SEC14L1: variants seen among roughly 807,000 people sequenced by gnomAD.
SEC14L1 encodes the protein SEC14-like protein 1.
A neutral mutation model predicts 85.3 loss-of-function variants in SEC14L1; 48 were observed. That is an observed-to-expected ratio of 0.56 (90% CI 0.45 to 0.72). SEC14L1 has a LOEUF of 0.72. Among genes scored for constraint, SEC14L1 ranks in the 30% least tolerant of loss-of-function variants. The pLI is 0.00. For missense variants in SEC14L1, 682 were observed against 921.4 expected, an observed-to-expected ratio of 0.74 and a Z score of 3.36; for synonymous variants, 391 against 355.5, an observed-to-expected ratio of 1.10 and a Z score of -1.12.
intron 2 of SEC14L1, chr17:77,089,400 C>T (rs1320638244): frequency 1.9e-6 from 1 of 519,004 alleles, no homozygotes; most frequent in Admixed American, 1.9e-5. Flanking sequence ...AAGTAAATTC[C>T]CGGAAGAAGT....
In SEC14L1 at chr17:77,171,511, C is replaced by T. The variant is rs569035909; in HGVS notation, c.64-19292C>T. Among the ~76,000 whole-genome samples the T allele has an allele frequency of 7.2e-5, 11 of 152,250 alleles. No homozygotes were observed. In the East Asian group the frequency reaches 9.6e-4, roughly 13 times the overall value. On this transcript the variant is annotated intron_variant, in intron 3 of 16. Transcript: ENST00000436233. ...GGAAAGATTTCTTTGATACCTGGGA[C>T]GTGAACAACAGCTATTTGTTCTGGC...
intron 10 of SEC14L1, 152 bp from the exon 11 acceptor site, chr17:77,205,124 G>T: frequency 6.3e-6 from 4 of 631,592 alleles, no homozygotes; most frequent in East Asian, 2.7e-5. Flanking sequence ...TGTGTTTAGC[G>T]CATGTGAATG....
chr17:77,212,512 G>A (rs1208590782), intron 15 of SEC14L1, among the ~76,000 whole-genome samples: 6 of 152,244 alleles, frequency 3.9e-5, no homozygotes, highest in South Asian at 2.1e-4. Flanking sequence ...TCATTTCACC[G>A]GGTTGTGTTT....
In SEC14L1 at chr17:77,213,596, C is replaced by T. The variant is rs2143237001; in HGVS notation, c.2042+104C>T. ...CAGGATCAGCAGTGGCGGCGGGTGT[C>T]AGGAATGCTTGGAGGGCCAGGAGGG... On this transcript the variant is annotated intron_variant, in intron 16 of 16. Transcript: ENST00000436233. The surrounding 1 kb of genome is among the most constrained non-coding windows in gnomAD (Gnocchi z 7.1). 1.4e-6 allele frequency: 2 copies of T among 1,398,478 alleles called. No homozygotes were observed. Among genetic ancestry groups the T allele is most frequent in the Non-Finnish European group, 9.9e-7 (1 of 1,011,496 alleles). 86.6% of individuals were successfully genotyped at this position (1,398,478 alleles called of 1,614,324 possible).
Position 77,212,165 on chromosome 17 carries a change from G to A in SEC14L1, c.1827G>A (p.Glu609=). The stretch of plus-strand genomic sequence containing the variant: ...TGGGCCGCGACTACAGCATGGTGGA[G>A]TCGCCTCTGATCTGCAAAGAAGGAG... ...WQLGRDYSMV[E]SPLICKEGES... The change falls in exon 15 of 17, where the codon GAG becomes GAA. Residue 609 remains glutamate, a synonymous_variant. Transcript: ENST00000436233. The A allele has an allele frequency of 6.2e-7, 1 of 1,614,040 alleles. No individual in the cohort carries two copies.
chr17:77,204,862 C>A (rs73998666), intron 10 of SEC14L1, among the ~76,000 whole-genome samples: 4,499 of 152,222 alleles, frequency 0.03, 122 homozygotes, highest in African/African-American at 0.063. Flanking sequence ...AGCAAAGGAT[C>A]GCTTGAGCCA....
chr17:77,120,260 A>G (rs546209407), intron 3 of SEC14L1, among the ~76,000 whole-genome samples: 1 of 152,260 alleles, frequency 6.6e-6, no homozygotes, highest in East Asian at 1.9e-4. Flanking sequence ...CCCATTAGAC[A>G]TGTACATCTA....
intron 10 of SEC14L1, among the ~76,000 whole-genome samples, chr17:77,204,408 C>T (rs1297971694): frequency 1.3e-5 from 2 of 150,820 alleles, no homozygotes; most frequent in African/African-American, 2.4e-5. Context: ...TTACTAGAGA[C>T]GGGGTTTCAC....
intron 3 of SEC14L1, among the ~76,000 whole-genome samples, chr17:77,110,892 A>G (rs1448937296): frequency 6.7e-6 from 1 of 150,122 alleles, no homozygotes; most frequent in African/African-American, 2.5e-5. Context: ...AAAAAAAAAA[A>G]AAAAAAAGAA....
At chr17:77,145,963 C>G (rs1973283074) in intron 3 of SEC14L1, among the ~76,000 whole-genome samples, 1 of 152,228 alleles carries the variant, frequency 6.6e-6, no homozygotes, top group Non-Finnish European at 1.5e-5. Context: ...GGCCCCAGTT[C>G]AACTCTGTGG....
intron 3 of SEC14L1, among the ~76,000 whole-genome samples, chr17:77,182,185 G>A (rs1975069406): frequency 6.6e-6 from 1 of 152,164 alleles, no homozygotes; most frequent in African/African-American, 2.4e-5. Flanking sequence ...AGGCTCTTTA[G>A]GTTGAGTTTG....
chr17:77,176,515 A>T (rs1357709648), intron 3 of SEC14L1, among the ~76,000 whole-genome samples: 1 of 152,224 alleles, frequency 6.6e-6, no homozygotes, highest in Middle Eastern at 3.2e-3. Flanking sequence ...GTTTGTTAAA[A>T]TTGATGAACT....
intron 3 of SEC14L1, among the ~76,000 whole-genome samples, chr17:77,149,584 A>G (rs1021217332): frequency 1.3e-5 from 2 of 152,198 alleles, no homozygotes; most frequent in African/African-American, 4.8e-5. Flanking sequence ...CTATAGTCCT[A>G]GCTTCTCAGG....
chr17:77,132,044 G>A (rs1010103505), intron 3 of SEC14L1, among the ~76,000 whole-genome samples: 4 of 152,230 alleles, frequency 2.6e-5, no homozygotes, highest in African/African-American at 9.6e-5. Context: ...TTATTGCCAG[G>A]GCTCAATTAG....
In SEC14L1 at chr17:77,190,969, A is replaced by G. The variant is rs1349556336; in HGVS notation, c.213+17A>G. On this transcript the variant is annotated intron_variant, in intron 4 of 16. Coordinates refer to ENST00000436233, the MANE Select transcript of SEC14L1 (RefSeq NM_001143998.2). ...CTGAAGAAGGTAAAGGTCGGAAAGG[A>G]CGTCTTGGAGGGAAAGGGCGTCCTG... 1 of 1,612,114 alleles carries G rather than the reference A, an allele frequency of 6.2e-7. No homozygotes were observed. The highest frequency in any genetic ancestry group is 1.3e-5 in the African/African-American group (1 of 74,276).
chr17:77,212,883 C>A, intron 15 of SEC14L1: 1 of 180,352 alleles, frequency 5.5e-6, no homozygotes, highest in Non-Finnish European at 1.2e-5. Context: ...AGGAGCTTTC[C>A]ACGGATTGAC....
chr17:77,172,857 G>C (rs536291668), intron 3 of SEC14L1, among the ~76,000 whole-genome samples: 69 of 152,302 alleles, frequency 4.5e-4, no homozygotes, highest in African/African-American at 1.6e-3. Context: ...AGTTCTCCAA[G>C]GTCTTGCATA....
rs565276043 is a variant in SEC14L1, at chr17:77,179,967, G to A, written c.64-10836G>A. Among the ~76,000 whole-genome samples, 18 of 152,020 alleles carry A rather than the reference G, an allele frequency of 1.2e-4. No homozygotes were observed. The South Asian group carries it at 3.1e-3, about 26-fold the overall frequency. Reference sequence around the variant, plus strand: ...GCTGGGATTACAGGCATGAGCCGCCGCGCCTGGCCTACGTATTTGTTTTTA... The same window carrying A: ...GCTGGGATTACAGGCATGAGCCGCCACGCCTGGCCTACGTATTTGTTTTTA... On this transcript the variant is annotated intron_variant, in intron 3 of 16. Transcript: ENST00000436233.
At chr17:77,100,275 T>C (rs1419221693) in intron 3 of SEC14L1, among the ~76,000 whole-genome samples, 3 of 152,230 alleles carry the variant, frequency 2.0e-5, no homozygotes, top group Non-Finnish European at 4.4e-5. Context: ...TGTGGTCATC[T>C]GTACATGCGG....
Sources: allele counts gnomAD v4.1 joint callset (sites outside exome capture counted in the v4.1 genomes callset), GRCh38; gene constraint gnomAD v4.1.1; non-coding constraint Gnocchi (gnomAD v3.1); transcripts MANE v1.5; gene names NCBI Gene and HGNC (gene_info 2026-07-23, HGNC 2026-07-21).